The following MAPK8 variants were observed in gnomAD, a reference collection of about 807,000 sequenced individuals.
MAPK8 encodes the protein mitogen-activated protein kinase 8, also known as JUN N-terminal kinase.
A neutral mutation model predicts 52.9 loss-of-function variants in MAPK8; 13 were observed. The observed-to-expected ratio is 0.25, with a 90% CI of 0.16 to 0.39. The LOEUF (loss-of-function observed/expected upper bound fraction) is 0.39. Among genes scored for constraint, MAPK8 ranks in the 10% least tolerant of loss-of-function variants. The probability of loss-of-function intolerance (pLI) is 1.00; values close to 1 mark genes in which losing one functional copy is unlikely to be tolerated. For synonymous variants in MAPK8, 191 were observed against 169.8 expected (o/e 1.12, Z -0.97); for missense variants, 300 against 519.2 (o/e 0.58, Z 4.10).
At chr10:48,362,219 A>G (rs1589071350) in intron 1 of MAPK8, among the ~76,000 whole-genome samples, 1 of 152,168 alleles carries the variant, frequency 6.6e-6, no homozygotes, top group Middle Eastern at 3.4e-3. Flanking sequence ...TCCCTTCACC[A>G]TATCCCCCAT....
chr10:48,314,686 A>T (rs1474596083), intron 1 of MAPK8, among the ~76,000 whole-genome samples: 1 of 152,076 alleles, frequency 6.6e-6, no homozygotes, highest in Non-Finnish European at 1.5e-5. Flanking sequence ...TATTACCCTT[A>T]GACGTCTTTC....
intron 1 of MAPK8, among the ~76,000 whole-genome samples, chr10:48,347,284 G>A (rs1241369453): frequency 2.6e-5 from 4 of 152,002 alleles, no homozygotes; most frequent in African/African-American, 9.7e-5. Flanking sequence ...CAAATATCCA[G>A]GTTTCAATGA....
intron 1 of MAPK8, among the ~76,000 whole-genome samples, chr10:48,311,253 A>G (rs1841959249): frequency 2.0e-5 from 3 of 152,192 alleles, no homozygotes. Flanking sequence ...GTAAACGTCA[A>G]ACCAGTTTAA....
At chr10:48,322,616 T>C (rs563237001) in intron 1 of MAPK8, among the ~76,000 whole-genome samples, 17 of 151,872 alleles carry the variant, frequency 1.1e-4, no homozygotes, top group Admixed American at 6.5e-4. Context: ...AAGCCAGGGA[T>C]GTTATCAGCC....
rs528435624 is a variant in MAPK8 at position 48,350,531 on chromosome 10, C to G, written c.-50+43710C>G. ...AATGACAAAAACCACATGATTATCT[C>G]AATAGATGCAGAAAAGGCCTTTGAC... is the stretch of plus-strand genomic sequence containing the variant. On this transcript the variant is annotated intron_variant, in intron 1 of 11. Transcript: ENST00000374189. Among the ~76,000 whole-genome samples the G allele has an allele frequency of 3.9e-4, 60 of 152,320 alleles. No individual in the cohort carries two copies. The South Asian group carries it at 0.011, about 28-fold the overall frequency.
Position 48,398,926 on chromosome 10 carries a change from G to T in MAPK8, c.-49-2686G>T, listed in dbSNP as rs991087097. On this transcript the variant is annotated intron_variant, in intron 1 of 11. Coordinates refer to ENST00000374189, the MANE Select transcript of MAPK8 (RefSeq NM_001323329.2). ...GAATGTTTTATATCATGATTTTCCTGATGATGGTTACGTAATTGTATACAT... is the reference window on the plus strand; with the variant it reads ...GAATGTTTTATATCATGATTTTCCTTATGATGGTTACGTAATTGTATACAT... 2.0e-5 allele frequency among the ~76,000 whole-genome samples: 3 copies of T among 152,150 alleles called. No homozygotes were observed. The South Asian group carries it at 6.2e-4, about 32-fold the overall frequency.
At chr10:48,386,903 A>G (rs1331153468) in intron 1 of MAPK8, among the ~76,000 whole-genome samples, 1 of 152,158 alleles carries the variant, frequency 6.6e-6, no homozygotes, top group East Asian at 1.9e-4. Context: ...TGAATGTCTG[A>G]ATGACTTGGA....
intron 1 of MAPK8, among the ~76,000 whole-genome samples, chr10:48,320,733 G>T (rs1842920405): frequency 6.6e-6 from 1 of 152,110 alleles, no homozygotes; most frequent in Non-Finnish European, 1.5e-5. Context: ...TCTTGGGTAT[G>T]TATCCAAGAG....
chr10:48,421,291 T>C (rs1004731280), intron 6 of MAPK8, among the ~76,000 whole-genome samples: 1 of 152,244 alleles, frequency 6.6e-6, no homozygotes, highest in Non-Finnish European at 1.5e-5. Context: ...AATTTTTTAT[T>C]CTTAAGTAAA....
intron 10 of MAPK8, among the ~76,000 whole-genome samples, chr10:48,427,896 C>A (rs2043792919): frequency 6.6e-6 from 1 of 152,152 alleles, no homozygotes; most frequent in African/African-American, 2.4e-5. Context: ...CTTTATATAT[C>A]CATCTCCCTC....
chr10:48,356,725 C>G (rs1846981110), intron 1 of MAPK8, among the ~76,000 whole-genome samples: 1 of 151,250 alleles, frequency 6.6e-6, no homozygotes, highest in Middle Eastern at 3.4e-3. Flanking sequence ...GCCTGTAATC[C>G]CAGCTGCTTG....
intron 1 of MAPK8, among the ~76,000 whole-genome samples, chr10:48,361,841 A>G (rs912596094): frequency 6.6e-6 from 1 of 152,216 alleles, no homozygotes; most frequent in Non-Finnish European, 1.5e-5. Flanking sequence ...TATATGACAC[A>G]GTAAGTATGT....
In MAPK8 at chr10:48,428,879, G is replaced by C. The variant is rs147291525; in HGVS notation, c.1060+1736G>C. On this transcript the variant is annotated intron_variant, in intron 10 of 11. Coordinates refer to ENST00000374189, the MANE Select transcript of MAPK8 (RefSeq NM_001323329.2). ...TGTGTCCCCCAGGCTAGAGTGCAGT[G>C]GTATGATCATGGCTCACTGCAGCAT... 7.8e-3 allele frequency among the ~76,000 whole-genome samples: 1,178 copies of C among 151,326 alleles called. 3 individuals are homozygous for C. Among genetic ancestry groups the C allele is most frequent in the Non-Finnish European group, 9.0e-3 (610 of 67,794 alleles).
chr10:48,362,794 G>A (rs960178150), intron 1 of MAPK8, among the ~76,000 whole-genome samples: 2 of 143,634 alleles, frequency 1.4e-5, no homozygotes, highest in East Asian at 2.1e-4. Flanking sequence ...AGGCTGGAGT[G>A]CAATGGCGTG....
At chr10:48,334,607 A>G (rs1844486716) in intron 1 of MAPK8, among the ~76,000 whole-genome samples, 1 of 152,136 alleles carries the variant, frequency 6.6e-6, no homozygotes, top group African/African-American at 2.4e-5. Flanking sequence ...GGCCTTTGCA[A>G]GGAGCTGGGA....
intron 1 of MAPK8, among the ~76,000 whole-genome samples, chr10:48,363,179 T>G (rs1483806019): frequency 1.3e-5 from 2 of 152,330 alleles, no homozygotes; most frequent in Middle Eastern, 3.4e-3. Flanking sequence ...TCCTGAGTAC[T>G]GAAAATTTTA....
intron 3 of MAPK8, among the ~76,000 whole-genome samples, chr10:48,408,892 C>T (rs1340300842): frequency 6.6e-6 from 1 of 152,188 alleles, no homozygotes; most frequent in African/African-American, 2.4e-5. Flanking sequence ...ACCTTGTCCT[C>T]ATTTGCCTTT....
At chr10:48,309,222 G>A (rs751209369) in intron 1 of MAPK8, among the ~76,000 whole-genome samples, 4 of 152,198 alleles carry the variant, frequency 2.6e-5, no homozygotes, top group Non-Finnish European at 5.9e-5. Flanking sequence ...ACCAGTTAGA[G>A]TGTATATATT....
intron 1 of MAPK8, among the ~76,000 whole-genome samples, chr10:48,389,310 A>G (rs1589155514): frequency 1.3e-5 from 2 of 152,260 alleles, no homozygotes; most frequent in South Asian, 2.1e-4. Context: ...AATTCTTACT[A>G]TATTCTGAAA....
Sources: allele counts gnomAD v4.1 joint callset (sites outside exome capture counted in the v4.1 genomes callset), GRCh38; gene constraint gnomAD v4.1.1; transcripts MANE v1.5; gene names NCBI Gene and HGNC (gene_info 2026-07-23, HGNC 2026-07-21).